Variants in MYCBPAP observed in about 807,000 individuals in gnomAD.
MYCBPAP encodes MYCBP associated protein, also known as MYCBP-associated protein.
A neutral mutation model predicts 106.1 loss-of-function variants in MYCBPAP; 60 were observed. That is an observed-to-expected ratio of 0.57 (90% CI 0.46 to 0.70). The LOEUF (loss-of-function observed/expected upper bound fraction) is 0.70. Ranked by LOEUF, MYCBPAP falls within the 30% of genes least tolerant of loss-of-function variation. The pLI is 0.00. For missense variants in MYCBPAP, 1,064 were observed against 1,169.3 expected (o/e 0.91, Z 1.31); for synonymous variants, 407 against 440.6 (o/e 0.92, Z 0.95).
chr17:50,516,799 T>A, intron 2 of MYCBPAP, 102 bp downstream of exon 2: 1 of 1,325,436 alleles, frequency 7.5e-7, no homozygotes, highest in Non-Finnish European at 1.0e-6. Flanking sequence ...GGGGAGTGTC[T>A]AACTCCATGG....
intron 16 of MYCBPAP, 149 bp downstream of exon 16, chr17:50,528,419 C>G (rs8067733): frequency 0.71 from 556,609 of 787,836 alleles, 198,858 homozygotes; most frequent in East Asian, 0.9. Context: ...CCTTTCTGTC[C>G]GCTGCCAGGA....
In MYCBPAP at chr17:50,528,744, T is replaced by TGGGAAGGAGGAGC; in HGVS notation, c.2460_2472dup (p.Lys825GlufsTer44). The TGGGAAGGAGGAGC allele has an allele frequency of 1.9e-6, 3 of 1,613,804 alleles. No individual in the cohort carries two copies. Among genetic ancestry groups the TGGGAAGGAGGAGC allele is most frequent in the Non-Finnish European group, 2.5e-6 (3 of 1,179,960 alleles). On this transcript the variant is annotated frameshift_variant, in exon 17 of 19. Transcript: ENST00000323776. LOFTEE classifies it high-confidence loss of function. The stretch of plus-strand genomic sequence containing the variant: ...AAGTGAAGGTACCTGTGGGGAAAGC[T>TGGGAAGGAGGAGC]GGGAAGGAGGAGCGGAAAGGAGCAG...
At position 50,530,299 on chromosome 17, in the gene MYCBPAP, G is replaced by A. The variant is rs137863586; in HGVS notation, c.2725-1028G>A. The A allele has an allele frequency of 1.4e-3, 450 of 331,988 alleles. 2 individuals are homozygous for A. Among genetic ancestry groups the A allele is most frequent in the African/African-American group, 9.5e-3 (437 of 46,058 alleles). 20.6% of individuals were successfully genotyped at this position (331,988 alleles called of 1,614,324 possible). The stretch of plus-strand genomic sequence containing the variant: ...GCCTGAGCTCAGGAGTTCAAGACCA[G>A]CCTGGGCAACATGGTAAGATCCCGT... On this transcript the variant is annotated intron_variant, in intron 18 of 18. Coordinates refer to ENST00000323776, the MANE Select transcript of MYCBPAP (RefSeq NM_032133.6).
Position 50,526,094 on chromosome 17 carries a change from A to C in MYCBPAP, c.1996A>C (p.Arg666=). 1 of 1,613,902 alleles carries C rather than the reference A, an allele frequency of 6.2e-7. No homozygotes were observed. Among genetic ancestry groups the C allele is most frequent in the Admixed American group, 1.7e-5 (1 of 60,022 alleles). Residue 666 remains arginine (R), a synonymous_variant, in exon 14 of 19, where the codon AGG becomes CGG. Coordinates refer to ENST00000323776, the MANE Select transcript of MYCBPAP (RefSeq NM_032133.6). ...GCCCCGGCCTGAGAACGAGGCCCTC[A>C]GGGAATCCGGGTCCCAGAAGGCCAG... is the stretch of plus-strand genomic sequence containing the variant. The part of the protein sequence containing the change: ...QVPRPENEAL[R]ESGSQKARVG...
intron 1 of MYCBPAP, chr17:50,509,893 A>ACC (rs1472189942): frequency 1.3e-5 from 2 of 152,186 alleles, no homozygotes; most frequent in Non-Finnish European, 2.9e-5. Context: ...CCTGAGCCAG[A>ACC]CCAGGGATGG....
intron 10 of MYCBPAP, chr17:50,522,694 C>CAAAAGAAAAAAAAA (rs2034304499): frequency 8.3e-5 from 3 of 36,274 alleles, no homozygotes; most frequent in Non-Finnish European, 1.4e-4. Flanking sequence ...AACTCTGTCT[C>CAAAAGAAAAAAAAA]AAAAAAAAAA....
At position 50,519,670 on chromosome 17, in the gene MYCBPAP, C is replaced by T. The variant is rs148721446; in HGVS notation, c.799C>T (p.Leu267=). The change falls in exon 7 of 19, where the codon CTG becomes TTG. Residue 267 remains leucine, a synonymous_variant. Transcript: ENST00000323776. ...SWENSGFWSR[L]EYLGDEMTGL... ...GGAGAACAGTGGGTTCTGGAGTCGA[C>T]TGGAATACTTGGGAGATGAGATGAC... 2.6e-5 allele frequency: 42 copies of T among 1,614,094 alleles called. No homozygotes were observed. In the Admixed American group the frequency reaches 4.7e-4, roughly 18 times the overall value.
chr17:50,528,319 C>A, intron 16 of MYCBPAP, 49 bp downstream of exon 16: 1 of 1,445,216 alleles, frequency 6.9e-7, no homozygotes, highest in Non-Finnish European at 9.6e-7. Context: ...CTCCTCATCT[C>A]TCTGAATGGA....
At chr17:50,526,656 C>T (rs529006211) in intron 14 of MYCBPAP, among the ~76,000 whole-genome samples, 3 of 152,202 alleles carry the variant, frequency 2.0e-5, no homozygotes, top group African/African-American at 7.2e-5. Context: ...AATTTTGGCT[C>T]ACTGCAACCT....
intron 1 of MYCBPAP, among the ~76,000 whole-genome samples, chr17:50,515,433 A>G (rs1186585194): frequency 1.3e-5 from 2 of 152,158 alleles, no homozygotes; most frequent in Non-Finnish European, 2.9e-5. Context: ...GCCAGTGGTG[A>G]ATGCTCTGCT....
intron 15 of MYCBPAP, 41 bp downstream of exon 15, chr17:50,527,449 T>C: frequency 1.2e-6 from 2 of 1,610,154 alleles, no homozygotes; most frequent in Middle Eastern, 1.7e-4. Flanking sequence ...CTCCTTCCCT[T>C]TGTGGCATCT....
intron 1 of MYCBPAP, among the ~76,000 whole-genome samples, chr17:50,512,048 GTTTTC>G (rs1031033029): frequency 7.7e-6 from 1 of 129,548 alleles, no homozygotes; most frequent in Non-Finnish European, 1.6e-5. Flanking sequence ...TCCCCAGCAA[GTTTTC>G]TTTTTTTTTT....
At position 50,527,535 on chromosome 17, in the gene MYCBPAP, C is replaced by T. The variant is rs551108418; in HGVS notation, c.2291+127C>T. 6.4e-4 allele frequency: 803 copies of T among 1,247,350 alleles called. 1 individual carries two copies. The highest frequency in any genetic ancestry group is 2.0e-3 in the Middle Eastern group (7 of 3,526). 77.3% of individuals were successfully genotyped at this position (1,247,350 alleles called of 1,614,324 possible). On this transcript the variant is annotated intron_variant, in intron 15 of 18. Coordinates refer to ENST00000323776, the MANE Select transcript of MYCBPAP (RefSeq NM_032133.6). The stretch of plus-strand genomic sequence containing the variant: ...TTGAGCTCAGGTTGCTAGAGCATGC[C>T]GCAAACATTCCACGTTCTGGAACCC...
chr17:50,508,825 G>A, intron 1 of MYCBPAP, 75 bp downstream of exon 1: 1 of 1,305,028 alleles, frequency 7.7e-7, no homozygotes, highest in East Asian at 2.5e-5. Context: ...TCAGGACACG[G>A]GGCCTGGAGG....
At chr17:50,514,681 C>G (rs1381097108) in intron 1 of MYCBPAP, among the ~76,000 whole-genome samples, 1 of 151,730 alleles carries the variant, frequency 6.6e-6, no homozygotes, top group African/African-American at 2.4e-5. Flanking sequence ...TTCTTAGAGA[C>G]AGGGTCTTGT....
chr17:50,509,536 C>CTGTGGG (rs2033745416), intron 1 of MYCBPAP: 1 of 151,018 alleles, frequency 6.6e-6, no homozygotes, highest in African/African-American at 2.7e-5. Flanking sequence ...CTTTTTTTTT[C>CTGTGGG]TGTGTGTGTG....
At chr17:50,530,317 G>T in intron 18 of MYCBPAP, 1 of 290,906 alleles carries the variant, frequency 3.4e-6, no homozygotes. Flanking sequence ...AACATGGTAA[G>T]ATCCCGTTTC....
intron 6 of MYCBPAP, 57 bp downstream of exon 6, chr17:50,519,146 G>A: frequency 3.3e-6 from 4 of 1,213,662 alleles, no homozygotes; most frequent in Non-Finnish European, 3.6e-6. Context: ...GGAGGGGGCG[G>A]GGGCAGGTGT....
chr17:50,512,934 C>T (rs1037230022), intron 1 of MYCBPAP, among the ~76,000 whole-genome samples: 6 of 151,632 alleles, frequency 4.0e-5, no homozygotes, highest in Admixed American at 6.6e-5. Context: ...AATAGTTGGG[C>T]GGCCGGGTGC....
Sources: allele counts gnomAD v4.1 joint callset (sites outside exome capture counted in the v4.1 genomes callset), GRCh38; gene constraint gnomAD v4.1.1; transcripts MANE v1.5; gene names NCBI Gene and HGNC (gene_info 2026-07-23, HGNC 2026-07-21).